Variants in PCDHGA5 observed in about 807,000 individuals in gnomAD.
PCDHGA5 encodes protocadherin gamma subfamily A, 5, also known as protocadherin gamma-A5.
Under a neutral mutation model 56.7 loss-of-function variants are expected in PCDHGA5, and 36 were observed. The observed-to-expected ratio is 0.64, with a 90% CI of 0.49 to 0.84. The LOEUF is 0.84. Ranked by LOEUF, PCDHGA5 falls within the 40% of genes least tolerant of loss-of-function variation. The pLI is 0.00. For missense variants in PCDHGA5, 1,305 were observed against 1,201.5 expected (o/e 1.09, Z -1.27); for synonymous variants, 563 against 520.2 (o/e 1.08, Z -1.12).
chr5:141,451,523 A>G (rs1035983001), intron 1 of PCDHGA5, among the ~76,000 whole-genome samples: 1 of 152,200 alleles, frequency 6.6e-6, no homozygotes, highest in African/African-American at 2.4e-5. Flanking sequence ...AGAGCAAGTA[A>G]AGGAGAGTGC....
chr5:141,482,016 C>T (rs2099550411), intron 1 of PCDHGA5, among the ~76,000 whole-genome samples: 1 of 148,596 alleles, frequency 6.7e-6, no homozygotes, highest in African/African-American at 2.5e-5. Context: ...TCTCAGGAAG[C>T]AGAGGTTGCA....
chr5:141,409,328 T>A, intron 1 of PCDHGA5: 3 of 1,613,926 alleles, frequency 1.9e-6, no homozygotes, highest in Non-Finnish European at 2.5e-6. Context: ...GGATCTGGAT[T>A]TCGGAGGAAA....
chr5:141,415,740 GTTTTTTTTTTTTTTTTT>G (rs57426385), intron 1 of PCDHGA5: 62 of 625,030 alleles, frequency 9.9e-5, no homozygotes, highest in East Asian at 4.1e-4. Flanking sequence ...GTTTATTAAG[GTTTTTTTTTTTTTTTTT>G]TTTTTTTTTT....
Position 141,512,594 on chromosome 5 carries a change from G to C in PCDHGA5, c.*1421G>C, listed in dbSNP as rs981124898. On this transcript the variant is annotated 3_prime_UTR_variant, in exon 4 of 4. Transcript: ENST00000518069. ...CACCCCCTTCTGCCCCTGGGTCCCC[G>C]GCCATCCAGCGGGGCTGCCAGAGAA... 1 of 152,812 alleles carries C rather than the reference G, an allele frequency of 6.5e-6. No homozygotes were observed. The highest frequency in any genetic ancestry group is 6.5e-5 in the Admixed American group (1 of 15,280). The allele number at this position is 152,812 out of a possible 1,614,324, so 9.5% of individuals were successfully genotyped here. A position where few individuals can be genotyped will look rare whatever the true frequency, so the allele number is the denominator to read the frequency against.
intron 1 of PCDHGA5, chr5:141,430,760 A>C: frequency 1.3e-6 from 2 of 1,505,596 alleles, no homozygotes; most frequent in Non-Finnish European, 8.9e-7. Context: ...GAAGATAAGA[A>C]TGATTCCTGC....
intron 1 of PCDHGA5, among the ~76,000 whole-genome samples, chr5:141,467,695 T>C (rs1189395935): frequency 6.6e-6 from 1 of 152,142 alleles, no homozygotes; most frequent in Non-Finnish European, 1.5e-5. Flanking sequence ...AGGGTCTGGC[T>C]CTGTTGCCCA....
chr5:141,423,805 G>GT (rs1384575574), intron 1 of PCDHGA5: 44 of 1,261,806 alleles, frequency 3.5e-5, no homozygotes, highest in South Asian at 8.9e-5. Context: ...AGCAATACAT[G>GT]TGAGTTTTAC....
intron 1 of PCDHGA5, chr5:141,399,003 A>T: frequency 6.2e-7 from 1 of 1,613,966 alleles, no homozygotes; most frequent in Non-Finnish European, 8.5e-7. Context: ...GTCTGAATTC[A>T]AAGAGCGGAG....
chr5:141,499,493 A>G (rs1322531312), intron 2 of PCDHGA5, among the ~76,000 whole-genome samples: 1 of 152,222 alleles, frequency 6.6e-6, no homozygotes, highest in African/African-American at 2.4e-5. Context: ...CTACAGTTTA[A>G]TATGAAACAT....
chr5:141,444,305 A>G (rs62379165), intron 1 of PCDHGA5, among the ~76,000 whole-genome samples: 13,327 of 151,310 alleles, frequency 0.088, 765 homozygotes, highest in African/African-American at 0.16. Context: ...CCTAGTAGCT[A>G]GGATTACAGG....
chr5:141,409,875 A>G, intron 1 of PCDHGA5: 1 of 1,612,810 alleles, frequency 6.2e-7, no homozygotes, highest in Non-Finnish European at 8.5e-7. Flanking sequence ...CGCAATGACA[A>G]CGCACCGCGG....
chr5:141,468,067 G>A (rs560511893), intron 1 of PCDHGA5, among the ~76,000 whole-genome samples: 34 of 152,032 alleles, frequency 2.2e-4, no homozygotes, highest in Non-Finnish European at 4.0e-4. Flanking sequence ...GCTCACACCT[G>A]TAATCCCAGC....
At chr5:141,413,658 T>G (rs2154544690) in intron 1 of PCDHGA5, 1 of 1,613,860 alleles carries the variant, frequency 6.2e-7, no homozygotes, top group East Asian at 2.2e-5. Flanking sequence ...TCCCGGAAGC[T>G]ATTGATCCGG....
rs761718852 is a variant in PCDHGA5, at chr5:141,432,440, G to A, written c.2422-62367G>A. ...GCTGGACCAGAACGACAATGCGCCCGAGATCCTGTACCCCGCCCTCCCCAC... is the reference window on the plus strand; with the variant it reads ...GCTGGACCAGAACGACAATGCGCCCAAGATCCTGTACCCCGCCCTCCCCAC... On this transcript the variant is annotated intron_variant, in intron 1 of 3. Transcript: ENST00000518069. The surrounding 1 kb of genome is among the most constrained non-coding windows in gnomAD (Gnocchi z 6.0). 1.3e-5 allele frequency: 21 copies of A among 1,614,226 alleles called. No homozygotes were observed. Among genetic ancestry groups the A allele is most frequent in the Non-Finnish European group, 1.6e-5 (19 of 1,180,048 alleles).
Position 141,431,938 on chromosome 5 carries a change from A to G in PCDHGA5, c.2422-62869A>G, listed in dbSNP as rs150199588. 49 of 1,614,050 alleles carry G rather than the reference A, an allele frequency of 3.0e-5. No individual in the cohort carries two copies. Among genetic ancestry groups the G allele is most frequent in the Non-Finnish European group, 3.9e-5 (46 of 1,180,026 alleles). Reference sequence around the variant, plus strand: ...TCATCCAAGGAAATCTGCCCTTTAAATTAGAAAAATCTTACGGAAATTACT... The same window carrying G: ...TCATCCAAGGAAATCTGCCCTTTAAGTTAGAAAAATCTTACGGAAATTACT... On this transcript the variant is annotated intron_variant, in intron 1 of 3. Coordinates refer to ENST00000518069, the MANE Select transcript of PCDHGA5 (RefSeq NM_018918.3). This position sits in a 1 kb window ranked among gnomAD's most constrained non-coding sequence, Gnocchi z 4.8.
At chr5:141,439,432 A>C (rs537630916) in intron 1 of PCDHGA5, among the ~76,000 whole-genome samples, 1 of 152,326 alleles carries the variant, frequency 6.6e-6, no homozygotes, top group African/African-American at 2.4e-5. Flanking sequence ...AATTCCCAGG[A>C]ATATTTTATT....
chr5:141,414,710 A>C (rs1253697066), intron 1 of PCDHGA5: 4 of 1,613,836 alleles, frequency 2.5e-6, no homozygotes, highest in African/African-American at 1.3e-5. Flanking sequence ...ATATCCATCA[A>C]CTCAGACACT....
At chr5:141,396,944 G>A (rs983363091) in intron 1 of PCDHGA5, among the ~76,000 whole-genome samples, 1 of 152,166 alleles carries the variant, frequency 6.6e-6, no homozygotes, top group African/African-American at 2.4e-5. Context: ...GCCCTGGTAG[G>A]AAAGAAAATC....
chr5:141,441,280 G>A (rs2098237221), intron 1 of PCDHGA5: 1 of 152,090 alleles, frequency 6.6e-6, no homozygotes, highest in East Asian at 1.9e-4. Flanking sequence ...GGGAGAAAAC[G>A]AGGTCACATG....
Sources: gnomAD v4.1 joint callset for allele counts (sites outside exome capture counted in the v4.1 genomes callset) on GRCh38, gnomAD v4.1.1 for gene constraint, Gnocchi (gnomAD v3.1) non-coding constraint, MANE v1.5 for transcripts, NCBI Gene and HGNC (gene_info 2026-07-23, HGNC 2026-07-21) for gene names.